ZNF529: variants seen among roughly 807,000 people sequenced by gnomAD.
ZNF529 encodes zinc finger protein 529.
A neutral mutation model predicts 10.1 loss-of-function variants in ZNF529; 11 were observed. The observed-to-expected ratio is 1.09, with a 90% CI of 0.69 to 1.81. The LOEUF (loss-of-function observed/expected upper bound fraction) is 1.81, where lower values mean the gene tolerates loss of function less well. Among genes scored for constraint, ZNF529 ranks in the 40% most tolerant of loss-of-function variants. ZNF529 has a pLI of 0.00. For synonymous variants in ZNF529, 204 were observed against 215.7 expected, an observed-to-expected ratio of 0.95 and a Z score of 0.47; for missense variants, 624 against 666.8, an observed-to-expected ratio of 0.94 and a Z score of 0.71.
chr19:36,572,604 G>A (rs2036165986), intron 1 of ZNF529, among the ~76,000 whole-genome samples: 1 of 152,186 alleles, frequency 6.6e-6, no homozygotes, highest in South Asian at 2.1e-4. Flanking sequence ...AAATACTGTA[G>A]TTCTTTAATG....
chr19:36,603,834 A>G (rs2145301298), intron 1 of ZNF529, among the ~76,000 whole-genome samples: 1 of 152,320 alleles, frequency 6.6e-6, no homozygotes, highest in South Asian at 2.1e-4. Context: ...TTAGACAGCT[A>G]TGAAAATGCT....
intron 2 of ZNF529, 122 bp downstream of exon 2, chr19:36,572,211 T>C (rs1352711745): frequency 2.0e-6 from 2 of 1,014,792 alleles, no homozygotes; most frequent in South Asian, 2.9e-5. Context: ...GAATATTCAA[T>C]GAAAGGGAAA....
At chr19:36,602,885 G>A (rs3108602) in intron 1 of ZNF529, among the ~76,000 whole-genome samples, 48,809 of 149,006 alleles carry the variant, frequency 0.33, 8,294 homozygotes, top group South Asian at 0.42. Flanking sequence ...AGCCAAGATC[G>A]CACCATTGCA....
At chr19:36,569,381 G>A (rs2036011922) in intron 2 of ZNF529, among the ~76,000 whole-genome samples, 1 of 152,064 alleles carries the variant, frequency 6.6e-6, no homozygotes, top group Non-Finnish European at 1.5e-5. Context: ...TATGCTCATA[G>A]AGCTAAAGGA....
At chr19:36,603,279 A>G (rs2036958210) in intron 1 of ZNF529, among the ~76,000 whole-genome samples, 1 of 152,226 alleles carries the variant, frequency 6.6e-6, no homozygotes, top group South Asian at 2.1e-4. Context: ...AAACAAAAAG[A>G]GCACACAGGA....
chr19:36,592,272 A>G, intron 1 of ZNF529, among the ~76,000 whole-genome samples: 1 of 145,740 alleles, frequency 6.9e-6, no homozygotes, highest in East Asian at 2.0e-4. Context: ...GCAACAGAGC[A>G]AGACTTTGTC....
intron 2 of ZNF529, among the ~76,000 whole-genome samples, chr19:36,579,909 C>G (rs2036425222): frequency 6.6e-6 from 1 of 152,176 alleles, no homozygotes; most frequent in South Asian, 2.1e-4. Flanking sequence ...TATAAACTTA[C>G]TATTTTTTAT....
chr19:36,550,008 A>G (rs1046556730), intron 4 of ZNF529, among the ~76,000 whole-genome samples: 2 of 152,226 alleles, frequency 1.3e-5, no homozygotes, highest in African/African-American at 4.8e-5. Context: ...ATTGGAAGGC[A>G]CTTTGTAGCA....
rs187220269 is a variant in ZNF529, at chr19:36,602,946, A to C, written c.-128+2180T>G. On this transcript the variant is annotated intron_variant, in intron 1 of 4. Transcript: ENST00000585960. ...ACTCCGTCTCAAAAGAAAAAAAAAA[A>C]AAAACACGTGATGCGGCCAAACCTC... Among the ~76,000 whole-genome samples, 979 of 151,452 alleles carry C rather than the reference A, an allele frequency of 6.5e-3. 5 individuals carry two copies. Among genetic ancestry groups the C allele is most frequent in the Middle Eastern group, 0.01 (3 of 292 alleles).
chr19:36,544,614 T>A lies in ZNF529; in HGVS notation c.*2252A>T, dbSNP rs944942038. On this transcript the variant is annotated 3_prime_UTR_variant, in exon 5 of 5. Transcript: ENST00000591340. ...TGTTGTTACATAAATAGAATTTAGT[T>A]AGAAATAGAGCTACTACTCTATTTC... 6.6e-6 allele frequency: 1 copy of A among 152,176 alleles called. No homozygotes were observed. The highest frequency in any genetic ancestry group is 1.9e-4 in the East Asian group (1 of 5,194). The allele number at this position is 152,176 out of a possible 1,614,324, so 9.4% of individuals were successfully genotyped here. A position where few individuals can be genotyped will look rare whatever the true frequency, so the allele number is the denominator to read the frequency against.
intron 2 of ZNF529, among the ~76,000 whole-genome samples, chr19:36,588,284 G>A (rs1313824490): frequency 6.6e-6 from 1 of 152,126 alleles, no homozygotes. Flanking sequence ...ATGCCTTAAG[G>A]GATTACTAGT....
chr19:36,563,063 T>C (rs3111541), intron 2 of ZNF529, among the ~76,000 whole-genome samples: 49,538 of 151,984 alleles, frequency 0.33, 8,428 homozygotes, highest in South Asian at 0.42. Flanking sequence ...ACTACAGAAC[T>C]GTGATACATT....
chr19:36,585,129 G>A (rs2036552552), intron 2 of ZNF529, among the ~76,000 whole-genome samples: 1 of 152,168 alleles, frequency 6.6e-6, no homozygotes, highest in South Asian at 2.1e-4. Context: ...AAAGTGCATC[G>A]TCCTTGCCTC....
chr19:36,573,419 C>T (rs760574894), upstream of ZNF529: 44 of 470,220 alleles, frequency 9.4e-5, no homozygotes, highest in Admixed American at 4.2e-4. Flanking sequence ...CCGCACCACG[C>T]CCCAGACCCT....
chr19:36,597,778 A>G (rs2036863090), intron 1 of ZNF529, among the ~76,000 whole-genome samples: 1 of 152,216 alleles, frequency 6.6e-6, no homozygotes, highest in African/African-American at 2.4e-5. Context: ...TACCTGCTAT[A>G]TGGAACAACA....
At chr19:36,552,368 A>G (rs2035296332) in intron 4 of ZNF529, among the ~76,000 whole-genome samples, 1 of 152,170 alleles carries the variant, frequency 6.6e-6, no homozygotes, top group South Asian at 2.1e-4. Context: ...CAGAGGTTGC[A>G]GCAAGCTGAA....
chr19:36,559,413 A>G (rs1478727539), intron 2 of ZNF529, among the ~76,000 whole-genome samples: 1 of 152,172 alleles, frequency 6.6e-6, no homozygotes, highest in Non-Finnish European at 1.5e-5. Flanking sequence ...GGTTCAAGCA[A>G]TTCTCCTGTC....
chr19:36,562,915 T>C (rs1335038263), intron 2 of ZNF529, among the ~76,000 whole-genome samples: 1 of 151,914 alleles, frequency 6.6e-6, no homozygotes, highest in Admixed American at 6.5e-5. Context: ...ACAGCCTTCA[T>C]AAAAGAGGCT....
Position 36,546,816 on chromosome 19 carries a change from A to G in ZNF529, c.*50T>C. ...TTGATTACCTATTAAATCCATCCAC[A>G]GTATTTTCCTGTGAAAATCAGAAAT... On this transcript the variant is annotated 3_prime_UTR_variant, in exon 5 of 5. Transcript: ENST00000591340. 3 of 1,543,694 alleles carry G rather than the reference A, an allele frequency of 1.9e-6. No homozygotes were observed. The Admixed American group carries it at 6.0e-5, about 31-fold the overall frequency.
Sources: gnomAD v4.1 joint callset for allele counts (sites outside exome capture counted in the v4.1 genomes callset) on GRCh38, gnomAD v4.1.1 for gene constraint, MANE v1.5 for transcripts, NCBI Gene and HGNC (gene_info 2026-07-23, HGNC 2026-07-21) for gene names.